Variants in HSPA4L observed in about 807,000 individuals in gnomAD.
HSPA4L encodes the protein heat shock protein family A (Hsp70) member 4 like.
A neutral mutation model predicts 100.3 loss-of-function variants in HSPA4L; 48 were observed. That is an observed-to-expected ratio of 0.48 (90% CI 0.38 to 0.61). HSPA4L has a LOEUF of 0.61. Ranked by LOEUF, HSPA4L falls within the 20% of genes least tolerant of loss-of-function variation. The pLI is 0.00. For synonymous variants in HSPA4L, 319 were observed against 328.2 expected, an observed-to-expected ratio of 0.97 and a Z score of 0.30; for missense variants, 886 against 988.6, an observed-to-expected ratio of 0.90 and a Z score of 1.39.
At chr4:127,798,516 A>G in intron 3 of HSPA4L, 71 bp from the exon 4 acceptor site, 1 of 1,469,902 alleles carries the variant, frequency 6.8e-7, no homozygotes, top group Non-Finnish European at 9.5e-7. Context: ...TCACATATAC[A>G]GTAGGTGCTC....
rs1192557388 is a variant in HSPA4L at position 127,838,916 on chromosome 4, T to C, written c.*6042T>C. 6.6e-6 allele frequency: 1 copy of C among 152,200 alleles called. No homozygotes were observed. The highest frequency in any genetic ancestry group is 2.4e-5 in the African/African-American group (1 of 41,450). 9.4% of individuals were successfully genotyped at this position (152,200 alleles called of 1,614,324 possible). A position where few individuals can be genotyped will look rare whatever the true frequency, so the allele number is the denominator to read the frequency against. ...TTCTTCCCGTTAAGGGTTTTTTGGC[T>C]ATAAATTCGTACTTGATAAGCTATG... On this transcript the variant is annotated 3_prime_UTR_variant, in exon 19 of 19. Coordinates refer to ENST00000296464, the MANE Select transcript of HSPA4L (RefSeq NM_014278.4).
intron 3 of HSPA4L, 27 bp downstream of exon 3, chr4:127,795,935 A>G: frequency 6.2e-7 from 1 of 1,604,950 alleles, no homozygotes; most frequent in South Asian, 1.1e-5. Flanking sequence ...CAGGGTTACA[A>G]ACATATCTTC....
rs199816274 is a variant in HSPA4L at position 127,823,688 on chromosome 4, GAGCAC to G, written c.2046+67_2046+71del. 5,176 of 920,198 alleles carry G rather than the reference GAGCAC, an allele frequency of 5.6e-3. 170 individuals carry two copies. The African/African-American group carries it at 0.079, about 14-fold the overall frequency. The allele number at this position is 920,198 out of a possible 1,614,324, so 57.0% of individuals were successfully genotyped here. A position where few individuals can be genotyped will look rare whatever the true frequency, so the allele number is the denominator to read the frequency against. ...ACTTTTTCTAAAAATTAGGGTGTAA[GAGCAC>G]AGTTTATGTTCTATTAATTTTTAAT... On this transcript the variant is annotated intron_variant, in intron 16 of 18. Transcript: ENST00000296464.
intron 1 of HSPA4L, chr4:127,783,589 A>G (rs961080625): frequency 1.5e-5 from 23 of 1,532,748 alleles, no homozygotes; most frequent in Non-Finnish European, 1.9e-5. Flanking sequence ...ATTCTGAAAT[A>G]TGAAAAACTA....
At chr4:127,821,015 T>TA (rs1733796682) in intron 14 of HSPA4L, among the ~76,000 whole-genome samples, 1 of 152,156 alleles carries the variant, frequency 6.6e-6, no homozygotes, top group Non-Finnish European at 1.5e-5. Context: ...TTTACATGTT[T>TA]AAGTTACAGT....
chr4:127,788,744 T>G (rs1038721889), intron 1 of HSPA4L, among the ~76,000 whole-genome samples: 4 of 152,184 alleles, frequency 2.6e-5, no homozygotes, highest in African/African-American at 9.7e-5. Flanking sequence ...GGTTGGAGGC[T>G]AGGAATACTC....
intron 1 of HSPA4L, among the ~76,000 whole-genome samples, chr4:127,786,393 C>T (rs1196810767): frequency 6.6e-6 from 1 of 152,180 alleles, no homozygotes; most frequent in Non-Finnish European, 1.5e-5. Flanking sequence ...CATCTTTGCT[C>T]TACCATCAAT....
rs933923063 is a variant in HSPA4L, at chr4:127,827,325, A to G, written c.2067A>G (p.Gln689=). 2.5e-6 allele frequency: 4 copies of G among 1,612,630 alleles called. No homozygotes were observed. Among genetic ancestry groups the G allele is most frequent in the African/African-American group, 1.3e-5 (1 of 75,016 alleles). ...QELKKYGQPI[Q]MKYMEHEERP... The stretch of plus-strand genomic sequence containing the variant: ...AACAGAAATACGGCCAGCCTATTCA[A>G]ATGAAGTACATGGAGCATGAAGAGA... The change falls in exon 17 of 19, where the codon CAA becomes CAG. Residue 689 remains glutamine (Q), a synonymous_variant. Coordinates refer to ENST00000296464, the MANE Select transcript of HSPA4L (RefSeq NM_014278.4).
rs544467940 is a variant in HSPA4L at position 127,804,672 on chromosome 4, G to T, written c.986-401G>T. Among the ~76,000 whole-genome samples, 4 of 151,556 alleles carry T rather than the reference G, an allele frequency of 2.6e-5. No homozygotes were observed. The East Asian group carries it at 7.8e-4, about 29-fold the overall frequency. On this transcript the variant is annotated intron_variant, in intron 8 of 18. Transcript: ENST00000296464. ...ACTCATGCTAGTTCTATTTGGAAGT[G>T]TTTATAAACTATAGATGATTCTAAA...
chr4:127,783,439 A>G, intron 1 of HSPA4L: 1 of 1,330,872 alleles, frequency 7.5e-7, no homozygotes, highest in Non-Finnish European at 9.8e-7. Context: ...TCCCGTATAA[A>G]CATGACTGTG....
At chr4:127,822,078 A>G (rs1270189618) in intron 14 of HSPA4L, among the ~76,000 whole-genome samples, 2 of 152,158 alleles carry the variant, frequency 1.3e-5, no homozygotes, top group African/African-American at 2.4e-5. Flanking sequence ...GTATAATTCA[A>G]TGGCTTTAAT....
chr4:127,827,637 A>G (rs1231452252), intron 17 of HSPA4L, among the ~76,000 whole-genome samples: 1 of 152,204 alleles, frequency 6.6e-6, no homozygotes, highest in Admixed American at 6.5e-5. Context: ...TGTAGCTTTC[A>G]TCTTTTAGAA....
rs765349157 is a variant in HSPA4L, at chr4:127,822,920, TG to T, written c.1938+27del. The T allele has an allele frequency of 1.9e-6, 3 of 1,605,388 alleles. No homozygotes were observed. The Admixed American group carries it at 5.1e-5, about 27-fold the overall frequency. On this transcript the variant is annotated intron_variant, in intron 15 of 18. Transcript: ENST00000296464. ...GTAAGTCTAAATTCTGTTAATTTTT[TG>T]TGAGGACTATTTAAAGGTTTACTCG...
At position 127,803,840 on chromosome 4, in the gene HSPA4L, T is replaced by C; in HGVS notation, c.875T>C (p.Met292Thr). ...CTTCCATTGAACATTGAGTGTTTCA[T>C]GAATGACCTTGATGTTTCTAGTAAA... ...SDLPLNIECF[M>T]NDLDVSSKMN... Residue 292 changes from methionine to threonine, a missense_variant, in exon 7 of 19, where the codon ATG becomes ACG. Coordinates refer to ENST00000296464, the MANE Select transcript of HSPA4L (RefSeq NM_014278.4). 1 of 1,613,926 alleles carries C rather than the reference T, an allele frequency of 6.2e-7. No homozygotes were observed. The highest frequency in any genetic ancestry group is 1.1e-5 in the South Asian group (1 of 91,074).
intron 17 of HSPA4L, among the ~76,000 whole-genome samples, chr4:127,830,005 A>G (rs1007470270): frequency 6.6e-6 from 1 of 151,954 alleles, no homozygotes; most frequent in Admixed American, 6.6e-5. Flanking sequence ...CTTCATATAT[A>G]TAGCTTTATG....
intron 1 of HSPA4L, among the ~76,000 whole-genome samples, chr4:127,788,973 G>C (rs1732795448): frequency 6.6e-6 from 1 of 152,160 alleles, no homozygotes; most frequent in South Asian, 2.1e-4. Context: ...GCAAGGAAAA[G>C]AAAAGGGCTG....
intron 1 of HSPA4L, chr4:127,783,682 T>G: frequency 6.5e-7 from 1 of 1,535,324 alleles, no homozygotes; most frequent in Non-Finnish European, 8.7e-7. Flanking sequence ...TATGGAAAGG[T>G]AATTTGGCAT....
chr4:127,782,762 G>T, intron 1 of HSPA4L, 105 bp downstream of exon 1: 1 of 829,410 alleles, frequency 1.2e-6, no homozygotes, highest in South Asian at 1.9e-5. Flanking sequence ...CCCCTAACGT[G>T]CGCCGAACCC....
At chr4:127,812,786 G>A (rs1047647024) in intron 12 of HSPA4L, 3 of 1,470,934 alleles carry the variant, frequency 2.0e-6, no homozygotes, top group Non-Finnish European at 2.8e-6. Context: ...CTCACAAAGT[G>A]TGCTGCTCTG....
Sources: allele counts gnomAD v4.1 joint callset (sites outside exome capture counted in the v4.1 genomes callset), GRCh38; gene constraint gnomAD v4.1.1; transcripts MANE v1.5; gene names NCBI Gene and HGNC (gene_info 2026-07-23, HGNC 2026-07-21).